The following CDH18 variants were observed in gnomAD, a reference collection of about 807,000 sequenced individuals.
The protein encoded by CDH18 is cadherin-18.
CDH18 carries 31 observed loss-of-function variants against 67.9 expected under a neutral mutation model. The ratio of observed to expected loss-of-function variants is 0.46; its 90% CI spans 0.34 to 0.62. CDH18 has a LOEUF of 0.62. Among genes scored for constraint, CDH18 ranks in the 20% least tolerant of loss-of-function variants. The pLI, the probability that CDH18 is intolerant of heterozygous loss-of-function variation, is 0.01. For synonymous variants in CDH18, 362 were observed against 347.2 expected (o/e 1.04, Z -0.48); for missense variants, 890 against 975.5 (o/e 0.91, Z 1.17).
intron 2 of CDH18, among the ~76,000 whole-genome samples, chr5:20,048,996 A>G (rs1215280505): frequency 6.6e-6 from 1 of 151,784 alleles, no homozygotes; most frequent in Admixed American, 6.6e-5. Flanking sequence ...TAGAATTCAA[A>G]TAGTTTATTT....
rs375400460 is a variant in CDH18, at chr5:19,818,984, T to C, written c.228+19775A>G. On this transcript the variant is annotated intron_variant, in intron 3 of 12. Transcript: ENST00000382275. ...AGATATATCCCTCCGCTAGTTTGGA[T>C]ACTTGAACTCTAATGGCAATTACAT... Among the ~76,000 whole-genome samples, 488 of 152,206 alleles carry C rather than the reference T, an allele frequency of 3.2e-3. 2 individuals are homozygous for C. The highest frequency in any genetic ancestry group is 9.5e-3 in the African/African-American group (396 of 41,552).
intron 2 of CDH18, among the ~76,000 whole-genome samples, chr5:20,251,998 T>C (rs963866976): frequency 2.0e-5 from 3 of 152,186 alleles, no homozygotes; most frequent in Admixed American, 6.5e-5. Flanking sequence ...TCAAACAATA[T>C]ATTTGATTTA....
At chr5:19,772,701 A>G (rs1773864287) in intron 3 of CDH18, among the ~76,000 whole-genome samples, 1 of 152,198 alleles carries the variant, frequency 6.6e-6, no homozygotes, top group Non-Finnish European at 1.5e-5. Context: ...TTAAATTAAG[A>G]AACTGAATCT....
At chr5:20,463,830 A>G (rs1231532840) in intron 1 of CDH18, among the ~76,000 whole-genome samples, 3 of 152,156 alleles carry the variant, frequency 2.0e-5, no homozygotes, top group Non-Finnish European at 2.9e-5. Flanking sequence ...TGGGGACAGA[A>G]GTTCTCTCTC....
intron 1 of CDH18, among the ~76,000 whole-genome samples, chr5:20,543,939 T>C (rs889305852): frequency 6.6e-6 from 1 of 152,184 alleles, no homozygotes; most frequent in Non-Finnish European, 1.5e-5. Flanking sequence ...AATGTAATTT[T>C]ATTTCACTAT....
At chr5:20,294,864 T>A (rs1435630308) in intron 1 of CDH18, among the ~76,000 whole-genome samples, 1 of 152,194 alleles carries the variant, frequency 6.6e-6, no homozygotes, top group Non-Finnish European at 1.5e-5. Context: ...TACATATATA[T>A]TTTCATTGTT....
rs1251875577 is a variant in CDH18 at position 19,981,177 on chromosome 5, A to G, written c.-374T>C. The G allele has an allele frequency of 6.6e-6, 1 of 152,180 alleles. No individual in the cohort carries two copies. Among genetic ancestry groups the G allele is most frequent in the African/African-American group, 2.4e-5 (1 of 41,432 alleles). The allele number at this position is 152,180 out of a possible 1,614,324, so 9.4% of individuals were successfully genotyped here. A position where few individuals can be genotyped will look rare whatever the true frequency, so the allele number is the denominator to read the frequency against. On this transcript the variant is annotated splice_region_variant and 5_prime_UTR_variant, in exon 2 of 13. Coordinates refer to ENST00000382275, the MANE Select transcript of CDH18 (RefSeq NM_004934.5). The stretch of plus-strand genomic sequence containing the variant: ...TTCTGTTCTTGCTCCTCTTCAGTCT[A>G]TCTGCAACAGAGTGACAAGAGTTTC...
At chr5:19,767,193 G>T (rs998863037) in intron 3 of CDH18, among the ~76,000 whole-genome samples, 7 of 152,008 alleles carry the variant, frequency 4.6e-5, no homozygotes, top group African/African-American at 1.7e-4. Flanking sequence ...TAAAAAATGT[G>T]TTTTTTTGTA....
At chr5:19,932,135 T>C (rs1793762616) in intron 2 of CDH18, among the ~76,000 whole-genome samples, 2 of 151,930 alleles carry the variant, frequency 1.3e-5, no homozygotes, top group South Asian at 4.1e-4. Flanking sequence ...GTAGATTCCA[T>C]ATGTGGCATA....
intron 8 of CDH18, among the ~76,000 whole-genome samples, chr5:19,562,861 C>G (rs1440159252): frequency 6.6e-6 from 1 of 152,158 alleles, no homozygotes; most frequent in Non-Finnish European, 1.5e-5. Flanking sequence ...CATAATTCAG[C>G]TGCTAAAGCT....
intron 2 of CDH18, among the ~76,000 whole-genome samples, chr5:20,247,426 T>C (rs758541280): frequency 6.6e-6 from 1 of 152,196 alleles, no homozygotes; most frequent in Non-Finnish European, 1.5e-5. Flanking sequence ...ACTACAGTTG[T>C]TAAGACAGCA....
intron 3 of CDH18, among the ~76,000 whole-genome samples, chr5:19,747,979 G>A (rs927141439): frequency 9.3e-5 from 14 of 150,392 alleles, no homozygotes; most frequent in East Asian, 2.0e-4. Context: ...CGGGCGTGGT[G>A]GCGGGCGCCT....
chr5:19,482,737 C>G (rs993202255), intron 12 of CDH18, among the ~76,000 whole-genome samples: 2 of 152,174 alleles, frequency 1.3e-5, no homozygotes, highest in African/African-American at 2.4e-5. Context: ...CGTAGTTACA[C>G]TCTTTTTTCA....
intron 2 of CDH18, among the ~76,000 whole-genome samples, chr5:20,002,375 C>T (rs1395261105): frequency 6.6e-6 from 1 of 152,152 alleles, no homozygotes; most frequent in Non-Finnish European, 1.5e-5. Context: ...CAAATTTTAG[C>T]TTTGCCACTT....
At chr5:19,829,311 C>T (rs1393100079) in intron 3 of CDH18, among the ~76,000 whole-genome samples, 1 of 152,044 alleles carries the variant, frequency 6.6e-6, no homozygotes, top group African/African-American at 2.4e-5. Flanking sequence ...ACCTAGAAAA[C>T]CCTATAGTCT....
intron 12 of CDH18, among the ~76,000 whole-genome samples, chr5:19,482,484 AT>A (rs1357124514): frequency 1.3e-5 from 2 of 152,218 alleles, no homozygotes; most frequent in South Asian, 2.1e-4. Context: ...AGACCAAAAA[AT>A]ATTTAGTCAG....
At chr5:20,294,976 A>C (rs1025423358) in intron 1 of CDH18, among the ~76,000 whole-genome samples, 3 of 152,180 alleles carry the variant, frequency 2.0e-5, no homozygotes, top group Admixed American at 2.0e-4. Flanking sequence ...TTCAGAGTGA[A>C]CTTTGAAATC....
At chr5:19,918,151 C>G (rs949089826) in intron 2 of CDH18, among the ~76,000 whole-genome samples, 3 of 152,156 alleles carry the variant, frequency 2.0e-5, no homozygotes, top group Non-Finnish European at 4.4e-5. Flanking sequence ...TTATGTACAT[C>G]GTGTGCCACA....
intron 1 of CDH18, among the ~76,000 whole-genome samples, chr5:20,473,393 A>G (rs1021311337): frequency 2.6e-5 from 4 of 151,744 alleles, no homozygotes; most frequent in African/African-American, 9.7e-5. Flanking sequence ...GGACTTTTAT[A>G]CTTGAGTGGG....
Sources: allele counts gnomAD v4.1 joint callset (sites outside exome capture counted in the v4.1 genomes callset), GRCh38; gene constraint gnomAD v4.1.1; transcripts MANE v1.5; gene names NCBI Gene and HGNC (gene_info 2026-07-23, HGNC 2026-07-21).